The following VCPIP1 variants were observed in gnomAD, a reference collection of about 807,000 sequenced individuals.
The protein encoded by VCPIP1 is deubiquitinating protein VCPIP1.
In VCPIP1, 8 loss-of-function variants were observed where a neutral mutation model predicts 85.0. That is an observed-to-expected ratio of 0.09 (90% CI 0.06 to 0.17). VCPIP1 has a LOEUF of 0.17. Among genes scored for constraint, VCPIP1 ranks in the 10% least tolerant of loss-of-function variants. The probability of loss-of-function intolerance (pLI) is 1.00; values close to 1 mark genes in which losing one functional copy is unlikely to be tolerated. For missense variants in VCPIP1, 1,070 were observed against 1,486.3 expected, an observed-to-expected ratio of 0.72 and a Z score of 4.61; for synonymous variants, 543 against 544.5, an observed-to-expected ratio of 1.00 and a Z score of 0.04.
intron 2 of VCPIP1, among the ~76,000 whole-genome samples, chr8:66,636,786 C>T (rs755224645): frequency 2.6e-5 from 4 of 151,414 alleles, no homozygotes; most frequent in Non-Finnish European, 5.9e-5. Context: ...ACCCAAGAGG[C>T]GGAGGCTGCA....
chr8:66,656,113 T>G (rs1811097671), intron 1 of VCPIP1, among the ~76,000 whole-genome samples: 1 of 152,192 alleles, frequency 6.6e-6, no homozygotes, highest in Non-Finnish European at 1.5e-5. Flanking sequence ...CTAATTTTTT[T>G]CTAATAAAAT....
intron 2 of VCPIP1, among the ~76,000 whole-genome samples, chr8:66,642,503 G>A (rs1280616413): frequency 6.6e-6 from 1 of 152,064 alleles, no homozygotes; most frequent in Non-Finnish European, 1.5e-5. Flanking sequence ...GGTCAATACA[G>A]TTTATGCTTA....
rs750894538 is a variant in VCPIP1 at position 66,638,936 on chromosome 8, TTC to T, written c.2798-3566_2798-3565del. Among the ~76,000 whole-genome samples the T allele has an allele frequency of 4.5e-3, 585 of 131,336 alleles. 6 individuals carry two copies. Among genetic ancestry groups the T allele is most frequent in the African/African-American group, 7.5e-3 (239 of 31,668 alleles). 86.2% of individuals were successfully genotyped at this position (131,336 alleles called of 152,430 possible). On this transcript the variant is annotated intron_variant, in intron 2 of 2. Transcript: ENST00000310421. ...CTGTACAAAAACCTGCAAGAAAACT[TTC>T]TCTCTCTCTCTCTCTCTCTCTCTCT... is the stretch of plus-strand genomic sequence containing the variant.
chr8:66,660,271 G>A (rs949383498), intron 1 of VCPIP1, among the ~76,000 whole-genome samples: 1 of 152,188 alleles, frequency 6.6e-6, no homozygotes, highest in Admixed American at 6.5e-5. Flanking sequence ...AGGAAATAAG[G>A]TATTGATTAG....
Position 66,657,957 on chromosome 8 carries a change from T to C in VCPIP1, c.2710+6292A>G, listed in dbSNP as rs527377800. On this transcript the variant is annotated intron_variant, in intron 1 of 2. Coordinates refer to ENST00000310421, the MANE Select transcript of VCPIP1 (RefSeq NM_025054.5). ...ATCTTAAGATACACCTATGCATTAT[T>C]TTTTATTCAACTTTATAACTGCTCT... is the stretch of plus-strand genomic sequence containing the variant. 5.9e-5 allele frequency among the ~76,000 whole-genome samples: 9 copies of C among 152,280 alleles called. No individual in the cohort carries two copies. In the East Asian group the frequency reaches 1.7e-3, roughly 29 times the overall value.
intron 1 of VCPIP1, among the ~76,000 whole-genome samples, chr8:66,652,383 G>A (rs1563569713): frequency 1.3e-5 from 2 of 152,296 alleles, no homozygotes; most frequent in East Asian, 3.9e-4. Flanking sequence ...GGAGGCCCAG[G>A]CAGGCAGATC....
chr8:66,663,820 A>G (rs1811179898), intron 1 of VCPIP1, among the ~76,000 whole-genome samples: 1 of 152,238 alleles, frequency 6.6e-6, no homozygotes, highest in Non-Finnish European at 1.5e-5. Context: ...CAGTGAGAAT[A>G]TAAACACCAG....
chr8:66,646,684 T>TCC (rs2130161187), intron 2 of VCPIP1, among the ~76,000 whole-genome samples: 1 of 152,020 alleles, frequency 6.6e-6, no homozygotes, highest in East Asian at 1.9e-4. Flanking sequence ...TAATCCCAGC[T>TCC]ACTCAGGAAG....
chr8:66,654,004 G>A (rs1811076521), intron 1 of VCPIP1, among the ~76,000 whole-genome samples: 1 of 152,122 alleles, frequency 6.6e-6, no homozygotes, highest in Non-Finnish European at 1.5e-5. Flanking sequence ...ACCAAGCTCT[G>A]AGCAGGCTCT....
At chr8:66,636,829 T>A (rs1288782884) in intron 2 of VCPIP1, among the ~76,000 whole-genome samples, 1 of 151,666 alleles carries the variant, frequency 6.6e-6, no homozygotes, top group Non-Finnish European at 1.5e-5. Context: ...CACTCCAGAC[T>A]GGGCAACAGA....
rs58066924 is a variant in VCPIP1 at position 66,643,220 on chromosome 8, G to C, written c.2798-7848C>G. On this transcript the variant is annotated intron_variant, in intron 2 of 2. Coordinates refer to ENST00000310421, the MANE Select transcript of VCPIP1 (RefSeq NM_025054.5). ...TGCCTTTAATCCCAGCTACTTGGGA[G>C]GCTGAGGCAGGAGAATCACGTCAAC... 3.9e-3 allele frequency among the ~76,000 whole-genome samples: 589 copies of C among 152,176 alleles called. 35 individuals carry two copies. The East Asian group carries it at 0.098, about 25-fold the overall frequency.
In VCPIP1 at chr8:66,640,146, C is replaced by A. The variant is rs1013471703; in HGVS notation, c.2798-4774G>T. 2.0e-5 allele frequency among the ~76,000 whole-genome samples: 3 copies of A among 152,176 alleles called. No homozygotes were observed. In the East Asian group the frequency reaches 5.8e-4, roughly 29 times the overall value. On this transcript the variant is annotated intron_variant, in intron 2 of 2. Transcript: ENST00000310421. Reference sequence around the variant, plus strand: ...TAAAAATATAGAGAAAAATTTACCACAAATATCAGAAAAAAATTCTATTTT... The same window carrying A: ...TAAAAATATAGAGAAAAATTTACCAAAAATATCAGAAAAAAATTCTATTTT...
At chr8:66,639,504 G>A (rs1200692743) in intron 2 of VCPIP1, among the ~76,000 whole-genome samples, 1 of 151,054 alleles carries the variant, frequency 6.6e-6, no homozygotes, top group East Asian at 2.0e-4. Context: ...ACAGGGGCCT[G>A]CCACCATACA....
At position 66,630,610 on chromosome 8, in the gene VCPIP1, A is replaced by G. The variant is rs1810824782; in HGVS notation, c.*3891T>C. ...TACTAATTTTTCCTTTTCTTTTACA[A>G]GAGAATAATCATTAATATTATACTA... is the stretch of plus-strand genomic sequence containing the variant. On this transcript the variant is annotated 3_prime_UTR_variant, in exon 3 of 3. Coordinates refer to ENST00000310421, the MANE Select transcript of VCPIP1 (RefSeq NM_025054.5). 1 of 152,632 alleles carries G rather than the reference A, an allele frequency of 6.6e-6. No homozygotes were observed. Among genetic ancestry groups the G allele is most frequent in the Admixed American group, 6.5e-5 (1 of 15,280 alleles). The allele number at this position is 152,632 out of a possible 1,614,324, so 9.5% of individuals were successfully genotyped here.
intron 2 of VCPIP1, among the ~76,000 whole-genome samples, chr8:66,649,074 G>A (rs1361130142): frequency 2.6e-5 from 4 of 152,004 alleles, no homozygotes; most frequent in Admixed American, 6.6e-5. Flanking sequence ...GAAGGATGAG[G>A]ATCACTTGAG....
At chr8:66,645,393 T>G (rs1325940669) in intron 2 of VCPIP1, among the ~76,000 whole-genome samples, 2 of 151,944 alleles carry the variant, frequency 1.3e-5, no homozygotes, top group African/African-American at 4.8e-5. Context: ...ACTGGCGCAA[T>G]GGGCAACAGA....
chr8:66,655,890 T>C (rs1233917489), intron 1 of VCPIP1, among the ~76,000 whole-genome samples: 2 of 152,068 alleles, frequency 1.3e-5, no homozygotes, highest in Non-Finnish European at 2.9e-5. Context: ...TGTGTATATA[T>C]AAATGTAGAA....
chr8:66,659,798 G>A (rs915611986), intron 1 of VCPIP1, among the ~76,000 whole-genome samples: 2 of 152,026 alleles, frequency 1.3e-5, no homozygotes, highest in African/African-American at 4.8e-5. Context: ...TGGGCGTGGT[G>A]GTGCGCACCT....
chr8:66,650,353 G>A (rs901624716), intron 2 of VCPIP1, among the ~76,000 whole-genome samples: 12 of 152,168 alleles, frequency 7.9e-5, no homozygotes, highest in Admixed American at 3.9e-4. Context: ...AGGAAGAGAT[G>A]AAAACAACAA....
Sources: allele counts gnomAD v4.1 joint callset (sites outside exome capture counted in the v4.1 genomes callset), GRCh38; gene constraint gnomAD v4.1.1; transcripts MANE v1.5; gene names NCBI Gene and HGNC (gene_info 2026-07-23, HGNC 2026-07-21).